DENND1A: variants seen among roughly 807,000 people sequenced by gnomAD.
DENND1A encodes the protein DENN domain-containing protein 1A.
DENND1A carries 51 observed loss-of-function variants against 113.7 expected under a neutral mutation model. That is an observed-to-expected ratio of 0.45 (90% CI 0.36 to 0.57). DENND1A has a LOEUF of 0.57. DENND1A is among the 20% of genes least tolerant of loss of function. The pLI, the probability that DENND1A is intolerant of heterozygous loss-of-function variation, is 0.00. For missense variants in DENND1A, 1,258 were observed against 1,395.9 expected, an observed-to-expected ratio of 0.90 and a Z score of 1.57; for synonymous variants, 565 against 570.8, an observed-to-expected ratio of 0.99 and a Z score of 0.14.
chr9:123,514,721 G>A (rs1285080727), intron 13 of DENND1A, among the ~76,000 whole-genome samples: 1 of 152,188 alleles, frequency 6.6e-6, no homozygotes, highest in Non-Finnish European at 1.5e-5. Context: ...TTCAGTATGG[G>A]AAGATGGATA....
At chr9:123,858,901 G>A (rs1345724147) in intron 2 of DENND1A, among the ~76,000 whole-genome samples, 1 of 152,028 alleles carries the variant, frequency 6.6e-6, no homozygotes, top group African/African-American at 2.4e-5. Flanking sequence ...AATAAAAGGA[G>A]GAAAGATTAT....
At position 123,381,340 on chromosome 9, in the gene DENND1A, C is replaced by G; in HGVS notation, c.*92G>C. 7.6e-7 allele frequency: 1 copy of G among 1,310,236 alleles called. No individual in the cohort carries two copies. The highest frequency in any genetic ancestry group is 1.1e-6 in the Non-Finnish European group (1 of 936,140). 81.2% of individuals were successfully genotyped at this position (1,310,236 alleles called of 1,614,324 possible). A position where few individuals can be genotyped will look rare whatever the true frequency, so the allele number is the denominator to read the frequency against. ...TCCCATCCCTTCCCACCAGCAGAAC[C>G]TGGGCAGAGAGAGAGTGGCGGGGGA... On this transcript the variant is annotated 3_prime_UTR_variant, in exon 24 of 24. Transcript: ENST00000394215. This position sits in a 1 kb window ranked among gnomAD's most constrained non-coding sequence, Gnocchi z 4.7.
At chr9:123,839,317 C>T (rs1453853670) in intron 2 of DENND1A, among the ~76,000 whole-genome samples, 1 of 152,216 alleles carries the variant, frequency 6.6e-6, no homozygotes, top group African/African-American at 2.4e-5. Flanking sequence ...CACTGTACAA[C>T]AGACCTCTCC....
At chr9:123,725,311 C>G (rs563399531) in intron 5 of DENND1A, among the ~76,000 whole-genome samples, 2 of 152,316 alleles carry the variant, frequency 1.3e-5, no homozygotes, top group African/African-American at 4.8e-5. Flanking sequence ...CACTTAAAAG[C>G]TGAATGGCTC....
At position 123,717,957 on chromosome 9, in the gene DENND1A, A is replaced by C. The variant is rs543924878; in HGVS notation, c.302+39746T>G. On this transcript the variant is annotated intron_variant, in intron 5 of 23. Coordinates refer to ENST00000394215, the MANE Select transcript of DENND1A (RefSeq NM_001352964.2). The stretch of plus-strand genomic sequence containing the variant: ...TTAACAACTCTCCCATCTGGTTTTC[A>C]CACCACCTCCTTCCTCCATAAGCCC... Among the ~76,000 whole-genome samples the C allele has an allele frequency of 2.1e-3, 317 of 152,298 alleles. 2 individuals are homozygous for C. The highest frequency in any genetic ancestry group is 3.3e-3 in the Non-Finnish European group (225 of 68,026).
chr9:123,828,296 GA>G (rs1364869430), intron 2 of DENND1A, among the ~76,000 whole-genome samples: 3 of 151,654 alleles, frequency 2.0e-5, no homozygotes, highest in Non-Finnish European at 4.4e-5. Context: ...ATTAGTTGAA[GA>G]AAAAAACAAG....
rs201104218 is a variant in DENND1A at position 123,452,353 on chromosome 9, A to G, written c.1228-6T>C. 398 of 1,613,996 alleles carry G rather than the reference A, an allele frequency of 2.5e-4. No individual in the cohort carries two copies. Among genetic ancestry groups the G allele is most frequent in the Admixed American group, 2.1e-3 (124 of 60,022 alleles). On this transcript the variant is annotated splice_polypyrimidine_tract_variant and splice_region_variant and intron_variant, in intron 16 of 23. Transcript: ENST00000394215. ...AGAATTGCTCCACTTCCTTTCTATA[A>G]TAAAAATGTCAATTAGCAATTTGGG...
intron 11 of DENND1A, among the ~76,000 whole-genome samples, chr9:123,587,769 T>A (rs923395007): frequency 8.5e-5 from 13 of 152,182 alleles, no homozygotes; most frequent in African/African-American, 3.1e-4. Flanking sequence ...AATTTTGTAT[T>A]TACAATAATC....
At chr9:123,773,798 A>G (rs1242805709) in intron 3 of DENND1A, among the ~76,000 whole-genome samples, 1 of 152,228 alleles carries the variant, frequency 6.6e-6, no homozygotes, top group Non-Finnish European at 1.5e-5. Flanking sequence ...GAGTGATTAT[A>G]GTGTCCACTG....
At chr9:123,812,993 C>T (rs1590193957) in intron 2 of DENND1A, among the ~76,000 whole-genome samples, 1 of 152,152 alleles carries the variant, frequency 6.6e-6, no homozygotes, top group Non-Finnish European at 1.5e-5. Context: ...CTCTATCTTC[C>T]AGGCTGGAGG....
At chr9:123,841,196 T>C (rs1264113552) in intron 2 of DENND1A, among the ~76,000 whole-genome samples, 1 of 152,186 alleles carries the variant, frequency 6.6e-6, no homozygotes, top group Non-Finnish European at 1.5e-5. Context: ...TTGTTATTGT[T>C]ATACCAATTC....
intron 2 of DENND1A, among the ~76,000 whole-genome samples, chr9:123,825,824 G>T (rs941912802): frequency 5.9e-5 from 9 of 152,158 alleles, no homozygotes; most frequent in Non-Finnish European, 1.3e-4. Flanking sequence ...TTGCCTGTTG[G>T]CATGTGACTT....
chr9:123,526,688 G>A (rs539495220), intron 13 of DENND1A, among the ~76,000 whole-genome samples: 8 of 152,288 alleles, frequency 5.3e-5, no homozygotes, highest in South Asian at 2.1e-4. Flanking sequence ...CTAGACATTC[G>A]CATCCCTTGG....
At chr9:123,575,963 A>G (rs2058613992) in intron 12 of DENND1A, among the ~76,000 whole-genome samples, 1 of 152,242 alleles carries the variant, frequency 6.6e-6, no homozygotes, top group South Asian at 2.1e-4. Context: ...TGTTTAATGT[A>G]AAAACCAACA....
At chr9:123,811,056 G>A (rs767394445) in intron 2 of DENND1A, among the ~76,000 whole-genome samples, 9 of 152,118 alleles carry the variant, frequency 5.9e-5, no homozygotes, top group Non-Finnish European at 1.3e-4. Context: ...ACCACGCCCG[G>A]CCAAATCCCT....
intron 19 of DENND1A, among the ~76,000 whole-genome samples, chr9:123,412,789 C>T (rs567492709): frequency 3.5e-4 from 54 of 152,310 alleles, no homozygotes; most frequent in Middle Eastern, 3.4e-3. Flanking sequence ...CAGCAATCCC[C>T]GGGAGGCTTC....
chr9:123,526,252 C>T (rs1784067170), intron 13 of DENND1A, among the ~76,000 whole-genome samples: 1 of 152,088 alleles, frequency 6.6e-6, no homozygotes, highest in Non-Finnish European at 1.5e-5. Flanking sequence ...TCATCCTTTC[C>T]CTGGATCTGG....
chr9:123,457,983 T>C, intron 13 of DENND1A, 86 bp from the exon 14 acceptor site: 2 of 1,000,116 alleles, frequency 2.0e-6, no homozygotes, highest in Non-Finnish European at 2.9e-6. Context: ...AGTTTCTCCA[T>C]CTGCTATTTT....
At chr9:123,666,396 T>G (rs2063494373) in intron 8 of DENND1A, among the ~76,000 whole-genome samples, 1 of 152,184 alleles carries the variant, frequency 6.6e-6, no homozygotes, top group Admixed American at 6.5e-5. Flanking sequence ...CACACTCTAG[T>G]TCACTGCTCC....
Sources: gnomAD v4.1 joint callset for allele counts (sites outside exome capture counted in the v4.1 genomes callset) on GRCh38, gnomAD v4.1.1 for gene constraint, Gnocchi (gnomAD v3.1) non-coding constraint, MANE v1.5 for transcripts, NCBI Gene and HGNC (gene_info 2026-07-23, HGNC 2026-07-21) for gene names.